The following ZDHHC14 variants were observed in gnomAD, a reference collection of about 807,000 sequenced individuals.
ZDHHC14 encodes palmitoyltransferase ZDHHC14.
A neutral mutation model predicts 47.7 loss-of-function variants in ZDHHC14; 16 were observed. That is an observed-to-expected ratio of 0.34 (90% CI 0.23 to 0.51). The LOEUF (loss-of-function observed/expected upper bound fraction) is 0.51, where lower values mean the gene tolerates loss of function less well. ZDHHC14 is among the 20% of genes least tolerant of loss of function. The probability of loss-of-function intolerance (pLI) is 0.97; values close to 1 mark genes in which losing one functional copy is unlikely to be tolerated. For synonymous variants in ZDHHC14, 293 were observed against 278.9 expected, an observed-to-expected ratio of 1.05 and a Z score of -0.50; for missense variants, 515 against 662.5, an observed-to-expected ratio of 0.78 and a Z score of 2.44.
chr6:157,461,197 T>C (rs888282634), intron 1 of ZDHHC14, among the ~76,000 whole-genome samples: 1 of 152,140 alleles, frequency 6.6e-6, no homozygotes, highest in Non-Finnish European at 1.5e-5. Flanking sequence ...CTCATTGAGT[T>C]TGACTAAACT....
chr6:157,479,797 C>T (rs577904590), intron 1 of ZDHHC14, among the ~76,000 whole-genome samples: 1 of 152,360 alleles, frequency 6.6e-6, no homozygotes, highest in African/African-American at 2.4e-5. Flanking sequence ...TGGACACTTC[C>T]CTGGTCCCCT....
intron 2 of ZDHHC14, among the ~76,000 whole-genome samples, chr6:157,565,445 G>A (rs553145325): frequency 6.6e-6 from 1 of 152,284 alleles, no homozygotes; most frequent in Non-Finnish European, 1.5e-5. Flanking sequence ...GGGAACATAG[G>A]CAAGTTACTT....
intron 1 of ZDHHC14, among the ~76,000 whole-genome samples, chr6:157,401,332 A>T (rs1777631244): frequency 6.6e-6 from 1 of 152,254 alleles, no homozygotes; most frequent in African/African-American, 2.4e-5. Context: ...ATCTTTTGGT[A>T]CACTGTATGT....
Position 157,473,497 on chromosome 6 carries a change from C to CT in ZDHHC14, c.246-69081dup, listed in dbSNP as rs553019898. On this transcript the variant is annotated intron_variant, in intron 1 of 8. Coordinates refer to ENST00000359775, the MANE Select transcript of ZDHHC14 (RefSeq NM_024630.3). ...TCGTTGCAAATAATGGGATTTTCTA[C>CT]TTTTTTTAAGGCTGAATAGTACAGA... Among the ~76,000 whole-genome samples the CT allele has an allele frequency of 9.3e-4, 142 of 152,288 alleles. 1 individual carries two copies. The highest frequency in any genetic ancestry group is 9.1e-3 in the South Asian group (44 of 4,830).
chr6:157,545,885 G>T (rs1188033596), intron 2 of ZDHHC14, among the ~76,000 whole-genome samples: 1 of 152,154 alleles, frequency 6.6e-6, no homozygotes, highest in Non-Finnish European at 1.5e-5. Context: ...TGAAATAGGA[G>T]TAATGGCATG....
intron 1 of ZDHHC14, among the ~76,000 whole-genome samples, chr6:157,535,852 G>C (rs1781529809): frequency 6.6e-6 from 1 of 152,148 alleles, no homozygotes; most frequent in South Asian, 2.1e-4. Flanking sequence ...GCTCATCTTT[G>C]CCTTGTGGTG....
At chr6:157,529,666 T>G (rs1781294852) in intron 1 of ZDHHC14, among the ~76,000 whole-genome samples, 1 of 152,234 alleles carries the variant, frequency 6.6e-6, no homozygotes, top group South Asian at 2.1e-4. Flanking sequence ...CAGAATAGTT[T>G]CAGGTTTCAC....
chr6:157,655,517 CCT>C (rs572174498), intron 8 of ZDHHC14, among the ~76,000 whole-genome samples: 48 of 152,326 alleles, frequency 3.2e-4, no homozygotes, highest in African/African-American at 1.1e-3. Flanking sequence ...CAAGAAGTGC[CCT>C]GTAAGGACAG....
intron 1 of ZDHHC14, among the ~76,000 whole-genome samples, chr6:157,413,586 T>C (rs1286359800): frequency 6.6e-6 from 1 of 151,942 alleles, no homozygotes; most frequent in Non-Finnish European, 1.5e-5. Flanking sequence ...TCTTCCTTCC[T>C]TTCTTTTTTT....
At chr6:157,411,152 T>G (rs1001783824) in intron 1 of ZDHHC14, among the ~76,000 whole-genome samples, 3 of 152,166 alleles carry the variant, frequency 2.0e-5, no homozygotes, top group Non-Finnish European at 4.4e-5. Flanking sequence ...ATCCTAGGGC[T>G]TAGGGTGAGG....
At chr6:157,445,964 C>A (rs1222528501) in intron 1 of ZDHHC14, among the ~76,000 whole-genome samples, 1 of 152,154 alleles carries the variant, frequency 6.6e-6, no homozygotes. Context: ...ATGGTGCTGA[C>A]CCAGAAGGGT....
At chr6:157,569,302 G>A (rs918311763) in intron 2 of ZDHHC14, among the ~76,000 whole-genome samples, 5 of 152,046 alleles carry the variant, frequency 3.3e-5, no homozygotes, top group Admixed American at 1.3e-4. Flanking sequence ...CTTTGAAGGT[G>A]TGGTTTTAAC....
chr6:157,535,175 C>G (rs943271870), intron 1 of ZDHHC14, among the ~76,000 whole-genome samples: 1 of 152,158 alleles, frequency 6.6e-6, no homozygotes. Flanking sequence ...CTCCTTGTCT[C>G]CCCTCCTCCG....
chr6:157,465,903 A>G (rs2003745), intron 1 of ZDHHC14, among the ~76,000 whole-genome samples: 36,021 of 152,120 alleles, frequency 0.24, 4,642 homozygotes, highest in East Asian at 0.43. Flanking sequence ...TTAGCCGGGC[A>G]TGGTGGCGGG....
At chr6:157,508,522 T>G (rs1025850939) in intron 1 of ZDHHC14, among the ~76,000 whole-genome samples, 2 of 152,082 alleles carry the variant, frequency 1.3e-5, no homozygotes, top group Admixed American at 6.5e-5. Flanking sequence ...TGTGCCACCA[T>G]GTCTGAGTAA....
chr6:157,659,492 C>T (rs1241239157), intron 8 of ZDHHC14, among the ~76,000 whole-genome samples: 1 of 152,222 alleles, frequency 6.6e-6, no homozygotes, highest in Non-Finnish European at 1.5e-5. Flanking sequence ...AGACTGACAA[C>T]AGTACAAATT....
At chr6:157,491,011 G>A (rs1280322495) in intron 1 of ZDHHC14, among the ~76,000 whole-genome samples, 1 of 152,210 alleles carries the variant, frequency 6.6e-6, no homozygotes, top group Non-Finnish European at 1.5e-5. Flanking sequence ...GAGGAGGGCA[G>A]GGTGGCTCAA....
chr6:157,636,198 A>G (rs1776965398), intron 5 of ZDHHC14, among the ~76,000 whole-genome samples: 1 of 128,246 alleles, frequency 7.8e-6, no homozygotes, highest in Non-Finnish European at 1.7e-5. Flanking sequence ...TGATGGATTT[A>G]AACACACACA....
intron 1 of ZDHHC14, among the ~76,000 whole-genome samples, chr6:157,439,634 T>C (rs1778522952): frequency 1.3e-5 from 2 of 152,142 alleles, no homozygotes; most frequent in South Asian, 4.1e-4. Flanking sequence ...AGAAATACCA[T>C]TTGACCCAGC....
Sources: allele counts gnomAD v4.1 joint callset (sites outside exome capture counted in the v4.1 genomes callset), GRCh38; gene constraint gnomAD v4.1.1; transcripts MANE v1.5; gene names NCBI Gene and HGNC (gene_info 2026-07-23, HGNC 2026-07-21).